MYT1L: variants seen among roughly 807,000 people sequenced by gnomAD.
The protein encoded by MYT1L is myelin transcription factor 1-like protein.
A neutral mutation model predicts 126.7 loss-of-function variants in MYT1L; 12 were observed. That is an observed-to-expected ratio of 0.09 (90% CI 0.06 to 0.15). The LOEUF (loss-of-function observed/expected upper bound fraction) is 0.15. MYT1L is among the 10% of genes least tolerant of loss of function. The pLI, the probability that MYT1L is intolerant of heterozygous loss-of-function variation, is 1.00. For missense variants in MYT1L, 979 were observed against 1,585.2 expected (o/e 0.62, Z 6.49); for synonymous variants, 541 against 604.2 (o/e 0.90, Z 1.53).
intron 4 of MYT1L, among the ~76,000 whole-genome samples, chr2:2,013,302 A>AT (rs1404153335): frequency 6.6e-6 from 1 of 152,048 alleles, no homozygotes; most frequent in Admixed American, 6.6e-5. Context: ...CTTCCCTCGA[A>AT]TGACGCATGG....
intron 3 of MYT1L, among the ~76,000 whole-genome samples, chr2:2,068,233 C>T (rs931465582): frequency 1.3e-5 from 2 of 152,106 alleles, no homozygotes; most frequent in South Asian, 2.1e-4. Context: ...GGAGCTGATA[C>T]CCTGGCCAGC....
At chr2:2,084,899 A>G (rs1435731972) in intron 3 of MYT1L, among the ~76,000 whole-genome samples, 1 of 152,228 alleles carries the variant, frequency 6.6e-6, no homozygotes, top group African/African-American at 2.4e-5. Flanking sequence ...ACTGGTTATT[A>G]TCTGACAGAT....
At chr2:2,295,635 C>CAG (rs74164562) in intron 1 of MYT1L, among the ~76,000 whole-genome samples, 13 of 7,312 alleles carry the variant, frequency 1.8e-3, no homozygotes, top group East Asian at 7.2e-3. Flanking sequence ...GACAGACAGA[C>CAG]AGAGAGAGAG....
intron 3 of MYT1L, among the ~76,000 whole-genome samples, chr2:2,144,483 T>C (rs1003113877): frequency 6.6e-6 from 1 of 152,228 alleles, no homozygotes; most frequent in Non-Finnish European, 1.5e-5. Context: ...ATCAAATCCA[T>C]AGTCTGTGCA....
chr2:2,009,525 C>T (rs1388240774), intron 4 of MYT1L, among the ~76,000 whole-genome samples: 1 of 152,086 alleles, frequency 6.6e-6, no homozygotes, highest in African/African-American at 2.4e-5. Context: ...TATACAAATG[C>T]TACTGATTTT....
At chr2:1,845,449 C>T (rs948747605) in intron 19 of MYT1L, among the ~76,000 whole-genome samples, 2 of 152,168 alleles carry the variant, frequency 1.3e-5, no homozygotes, top group African/African-American at 2.4e-5. Context: ...AGGCCCACTC[C>T]TCCTGGTGGG....
chr2:1,939,060 A>G (rs1398522484), intron 9 of MYT1L, among the ~76,000 whole-genome samples: 1 of 152,188 alleles, frequency 6.6e-6, no homozygotes, highest in African/African-American at 2.4e-5. Context: ...ATCGCCTGAG[A>G]CTTTCTCTCT....
Position 2,294,618 on chromosome 2 carries a change from G to A in MYT1L, c.-520-10115C>T, listed in dbSNP as rs532680858. Among the ~76,000 whole-genome samples the A allele has an allele frequency of 3.7e-4, 56 of 152,170 alleles. No homozygotes were observed. The South Asian group carries it at 9.1e-3, about 25-fold the overall frequency. ...GTTGAAATTACCTCATTCTACACAT[G>A]AGACCAAAACTGAGTTAAATCTGCT... On this transcript the variant is annotated intron_variant, in intron 1 of 24. Coordinates refer to ENST00000647738, the MANE Select transcript of MYT1L (RefSeq NM_001303052.2).
intron 2 of MYT1L, among the ~76,000 whole-genome samples, chr2:2,255,431 G>A (rs1277861009): frequency 6.6e-6 from 1 of 152,146 alleles, no homozygotes; most frequent in Non-Finnish European, 1.5e-5. Flanking sequence ...AAGGGTAACG[G>A]TTGCCCTCAG....
intron 3 of MYT1L, among the ~76,000 whole-genome samples, chr2:2,105,475 CTG>C (rs1326158107): frequency 1.3e-5 from 2 of 152,198 alleles, no homozygotes; most frequent in Non-Finnish European, 2.9e-5. Flanking sequence ...TCTGTCTATA[CTG>C]TGTTTTTCTC....
intron 1 of MYT1L, among the ~76,000 whole-genome samples, chr2:2,316,269 G>A (rs1400559891): frequency 2.0e-5 from 3 of 152,162 alleles, no homozygotes; most frequent in African/African-American, 4.8e-5. Context: ...TTGAGTTGGT[G>A]AGAACATGCC....
At chr2:1,881,776 AAAT>A (rs1053237866) in intron 18 of MYT1L, among the ~76,000 whole-genome samples, 2 of 151,772 alleles carry the variant, frequency 1.3e-5, no homozygotes, top group African/African-American at 4.8e-5. Flanking sequence ...GTGGAAATAA[AAAT>A]AAATTCTCTG....
intron 2 of MYT1L, among the ~76,000 whole-genome samples, chr2:2,176,306 C>T (rs1198346120): frequency 6.6e-6 from 1 of 152,098 alleles, no homozygotes; most frequent in Non-Finnish European, 1.5e-5. Context: ...TCACCCTTCT[C>T]GTTTTTAAAC....
intron 2 of MYT1L, among the ~76,000 whole-genome samples, chr2:2,266,094 G>C (rs988351748): frequency 7.9e-5 from 12 of 152,172 alleles, no homozygotes; most frequent in Non-Finnish European, 1.6e-4. Context: ...CATTCTGGGA[G>C]TTTCACAAGT....
intron 3 of MYT1L, among the ~76,000 whole-genome samples, chr2:2,167,313 A>C (rs1027540673): frequency 6.6e-6 from 1 of 150,704 alleles, no homozygotes; most frequent in Non-Finnish European, 1.5e-5. Context: ...GTTGGACGCA[A>C]TGATGTCTGA....
chr2:1,791,647 T>G lies in MYT1L; in HGVS notation c.*220A>C. The stretch of plus-strand genomic sequence containing the variant: ...ATAAACATTACATGGCAGAACACTA[T>G]GTCAGCTTACATGGAAACGTACAAA... On this transcript the variant is annotated 3_prime_UTR_variant, in exon 25 of 25. Coordinates refer to ENST00000647738, the MANE Select transcript of MYT1L (RefSeq NM_001303052.2). The surrounding 1 kb of genome is among the most constrained non-coding windows in gnomAD (Gnocchi z 6.0). The G allele has an allele frequency of 2.0e-6, 1 of 509,616 alleles. No individual in the cohort carries two copies. The highest frequency in any genetic ancestry group is 3.8e-5 in the Admixed American group (1 of 26,388). The allele number at this position is 509,616 out of a possible 1,614,324, so 31.6% of individuals were successfully genotyped here.
chr2:1,847,176 G>A (rs78579698), intron 19 of MYT1L, among the ~76,000 whole-genome samples: 13,246 of 152,258 alleles, frequency 0.087, 1,003 homozygotes, highest in African/African-American at 0.2. Context: ...GGGCAGCTGA[G>A]CATCTCTGTG....
At chr2:1,879,565 A>G (rs2047297222) in intron 18 of MYT1L, among the ~76,000 whole-genome samples, 1 of 152,200 alleles carries the variant, frequency 6.6e-6, no homozygotes, top group Non-Finnish European at 1.5e-5. Flanking sequence ...TGTCTCATGA[A>G]AGGAAATGTG....
chr2:1,868,452 G>A (rs1323185324), intron 18 of MYT1L, among the ~76,000 whole-genome samples: 2 of 151,130 alleles, frequency 1.3e-5, no homozygotes, highest in Non-Finnish European at 3.0e-5. Context: ...AGGAAGGAAG[G>A]AAGGAAGAAA....
Sources: allele counts gnomAD v4.1 joint callset (sites outside exome capture counted in the v4.1 genomes callset), GRCh38; gene constraint gnomAD v4.1.1; non-coding constraint Gnocchi (gnomAD v3.1); transcripts MANE v1.5; gene names NCBI Gene and HGNC (gene_info 2026-07-23, HGNC 2026-07-21).